ANO6: variants seen among roughly 807,000 people sequenced by gnomAD.
ANO6 encodes the protein anoctamin-6.
ANO6 carries 106 observed loss-of-function variants against 117.5 expected under a neutral mutation model. That is an observed-to-expected ratio of 0.90 (90% CI 0.77 to 1.06). ANO6 has a LOEUF of 1.06. Ranked by LOEUF, ANO6 falls within the 50% of genes least tolerant of loss-of-function variation. ANO6 has a pLI of 0.00. For missense variants in ANO6, 955 were observed against 1,121.1 expected (o/e 0.85, Z 2.12); for synonymous variants, 367 against 385.1 (o/e 0.95, Z 0.55).
intron 1 of ANO6, among the ~76,000 whole-genome samples, chr12:45,285,741 A>AG (rs1938892013): frequency 6.6e-6 from 1 of 151,688 alleles, no homozygotes; most frequent in African/African-American, 2.4e-5. Context: ...AAAAAAAAAA[A>AG]GAAAAAGAAA....
At chr12:45,398,131 G>T (rs1404595917) in intron 12 of ANO6, among the ~76,000 whole-genome samples, 1 of 152,136 alleles carries the variant, frequency 6.6e-6, no homozygotes, top group Non-Finnish European at 1.5e-5. Context: ...AATACCAGAA[G>T]ATATATTTGT....
intron 3 of ANO6, among the ~76,000 whole-genome samples, chr12:45,342,506 C>T (rs1941007003): frequency 6.6e-6 from 1 of 152,194 alleles, no homozygotes; most frequent in African/African-American, 2.4e-5. Context: ...TGTTGGTGTA[C>T]TTCAGAATTA....
chr12:45,375,102 C>G, intron 9 of ANO6, among the ~76,000 whole-genome samples: 1 of 152,094 alleles, frequency 6.6e-6, no homozygotes, highest in Non-Finnish European at 1.5e-5. Context: ...CTCCCATTCA[C>G]AATTGCTTCA....
At chr12:45,322,319 A>G (rs1940307364) in intron 2 of ANO6, among the ~76,000 whole-genome samples, 1 of 90,234 alleles carries the variant, frequency 1.1e-5, no homozygotes, top group Non-Finnish European at 2.5e-5. Flanking sequence ...GCAGGAGAGG[A>G]TTTCAGGACA....
intron 1 of ANO6, among the ~76,000 whole-genome samples, chr12:45,287,450 G>A (rs570536297): frequency 1.3e-5 from 2 of 152,278 alleles, no homozygotes; most frequent in African/African-American, 4.8e-5. Context: ...AGAATGTAAT[G>A]CGTTCATATA....
intron 15 of ANO6, among the ~76,000 whole-genome samples, chr12:45,408,761 G>T (rs917143386): frequency 6.6e-6 from 1 of 152,054 alleles, no homozygotes; most frequent in African/African-American, 2.4e-5. Context: ...CCTACCCTGC[G>T]TGCTGTCTGT....
rs763078978 is a variant in ANO6, at chr12:45,416,844, A to G, written c.2157A>G (p.Gln719=). 9.9e-6 allele frequency: 16 copies of G among 1,614,074 alleles called. No homozygotes were observed. Among genetic ancestry groups the G allele is most frequent in the Non-Finnish European group, 1.3e-5 (15 of 1,180,030 alleles). Residue 719 remains glutamine (Q), a synonymous_variant, in exon 17 of 20, where the codon CAA becomes CAG. Transcript: ENST00000320560. ...QFRRLVPEKA[Q]DIGAWQPIMQ... Reference sequence around the variant, plus strand: ...GACGCCTGGTACCAGAGAAAGCCCAAGACATTGGAGCATGGCAGCCCATCA... The same window carrying G: ...GACGCCTGGTACCAGAGAAAGCCCAGGACATTGGAGCATGGCAGCCCATCA...
intron 15 of ANO6, among the ~76,000 whole-genome samples, chr12:45,405,856 G>A (rs1466340246): frequency 1.3e-5 from 2 of 151,958 alleles, no homozygotes; most frequent in East Asian, 1.9e-4. Flanking sequence ...GCAGTGAGCC[G>A]AGATCGCACC....
chr12:45,219,180 C>T (rs761922537), intron 1 of ANO6, among the ~76,000 whole-genome samples: 10 of 152,012 alleles, frequency 6.6e-5, no homozygotes, highest in Non-Finnish European at 5.9e-5. Context: ...AGACCTCCCC[C>T]TCCCCCCAAA....
At chr12:45,261,434 C>G (rs1294844733) in intron 1 of ANO6, among the ~76,000 whole-genome samples, 1 of 152,196 alleles carries the variant, frequency 6.6e-6, no homozygotes, top group Admixed American at 6.5e-5. Context: ...TTAGCACGCT[C>G]AGGGTTTCCT....
chr12:45,417,412 T>TA, intron 17 of ANO6, among the ~76,000 whole-genome samples: 1 of 152,152 alleles, frequency 6.6e-6, no homozygotes, highest in East Asian at 1.9e-4. Flanking sequence ...CAGCAGCTCT[T>TA]AAAGGAGGAA....
intron 9 of ANO6, among the ~76,000 whole-genome samples, chr12:45,376,241 T>G (rs77303741): frequency 0.13 from 16,666 of 129,966 alleles, 1,424 homozygotes; most frequent in East Asian, 0.36. Context: ...GGAACACTTT[T>G]ACACTGTTGG....
chr12:45,399,940 T>C (rs1048040914), intron 12 of ANO6, among the ~76,000 whole-genome samples: 5 of 152,168 alleles, frequency 3.3e-5, no homozygotes, highest in African/African-American at 9.7e-5. Context: ...TGAAGAAATA[T>C]TGAAGTATGG....
At position 45,244,409 on chromosome 12, in the gene ANO6, G is replaced by T. The variant is rs560309511; in HGVS notation, c.70+28018G>T. 3.6e-3 allele frequency among the ~76,000 whole-genome samples: 543 copies of T among 149,600 alleles called. 3 individuals are homozygous for T. The highest frequency in any genetic ancestry group is 0.012 in the African/African-American group (496 of 40,774). On this transcript the variant is annotated intron_variant, in intron 1 of 19. Transcript: ENST00000320560. ...TACATAGGGCTTCTCTATTTGGGGG[G>T]GGGGGGTGGTCTGTGGATCTGCATG...
intron 3 of ANO6, 21 bp from the exon 4 acceptor site, chr12:45,347,001 T>C (rs1358689817): frequency 1.2e-6 from 2 of 1,613,008 alleles, no homozygotes; most frequent in Non-Finnish European, 8.5e-7. Flanking sequence ...GTCTAACATA[T>C]ATTCCAACTT....
chr12:45,230,012 G>A (rs189794544), intron 1 of ANO6, among the ~76,000 whole-genome samples: 7 of 152,158 alleles, frequency 4.6e-5, no homozygotes, highest in Admixed American at 2.0e-4. Context: ...TAATTATAAG[G>A]TAACATTATT....
At chr12:45,259,548 G>C (rs1397642356) in intron 1 of ANO6, among the ~76,000 whole-genome samples, 1 of 152,322 alleles carries the variant, frequency 6.6e-6, no homozygotes, top group South Asian at 2.1e-4. Flanking sequence ...TCACAGGGCA[G>C]GTACTCACCT....
At chr12:45,226,733 T>C (rs1365497304) in intron 1 of ANO6, among the ~76,000 whole-genome samples, 1 of 152,032 alleles carries the variant, frequency 6.6e-6, no homozygotes, top group African/African-American at 2.4e-5. Flanking sequence ...TTATACATGC[T>C]TTTTTTCTGA....
rs79769086 is a variant in ANO6 at position 45,315,059 on chromosome 12, T to G, written c.150+12966T>G. ...TGTAGAAATGTTGGACTAAAGAGTT[T>G]GGGCTTTTGAGCAGAAGAGAGAAAG... On this transcript the variant is annotated intron_variant, in intron 2 of 19. Coordinates refer to ENST00000320560, the MANE Select transcript of ANO6 (RefSeq NM_001025356.3). Among the ~76,000 whole-genome samples the G allele has an allele frequency of 9.6e-3, 1,459 of 152,132 alleles. 25 individuals are homozygous for G. The highest frequency in any genetic ancestry group is 0.033 in the African/African-American group (1,373 of 41,526).
Sources: gnomAD v4.1 joint callset for allele counts (sites outside exome capture counted in the v4.1 genomes callset) on GRCh38, gnomAD v4.1.1 for gene constraint, MANE v1.5 for transcripts, NCBI Gene and HGNC (gene_info 2026-07-23, HGNC 2026-07-21) for gene names.